ACTR3C: variants seen among roughly 807,000 people sequenced by gnomAD.
ACTR3C encodes the protein actin related protein 3C, also known as actin-related protein 3C.
A neutral mutation model predicts 26.3 loss-of-function variants in ACTR3C; 18 were observed. The observed-to-expected ratio is 0.68, with a 90% CI of 0.47 to 1.01. The LOEUF is 1.01. Ranked by LOEUF, ACTR3C falls within the 50% of genes least tolerant of loss-of-function variation. The pLI is 0.00. For missense variants in ACTR3C, 184 were observed against 250.7 expected (o/e 0.73, Z 1.80); for synonymous variants, 55 against 94.5 (o/e 0.58, Z 2.42).
the ACTR3C span, among the ~76,000 whole-genome samples, chr7:150,022,756 G>C: frequency 6.6e-6 from 1 of 152,104 alleles, no homozygotes; most frequent in African/African-American, 2.4e-5. Flanking sequence ...AAACAGCCCA[G>C]CTGGTAACAA....
chr7:150,201,725 T>G, the ACTR3C span, among the ~76,000 whole-genome samples: 2 of 151,478 alleles, frequency 1.3e-5, no homozygotes, highest in Admixed American at 6.6e-5. Context: ...ACCACTGTAC[T>G]CCAGTCTCAG....
At chr7:150,158,087 T>C in the ACTR3C span, among the ~76,000 whole-genome samples, 1 of 152,146 alleles carries the variant, frequency 6.6e-6, no homozygotes, top group East Asian at 1.9e-4. Flanking sequence ...AGGTGTATAT[T>C]AAGGTGCTCA....
chr7:150,169,896 C>A, the ACTR3C span, among the ~76,000 whole-genome samples: 2 of 150,638 alleles, frequency 1.3e-5, no homozygotes, highest in Non-Finnish European at 1.5e-5. Context: ...CCCCTCTTTA[C>A]TTTCCCCGTT....
the ACTR3C span, among the ~76,000 whole-genome samples, chr7:150,156,934 A>G: frequency 6.6e-6 from 1 of 151,730 alleles, no homozygotes; most frequent in Non-Finnish European, 1.5e-5. Context: ...TTGGTTAATC[A>G]TACATCGTAA....
At chr7:149,966,213 AG>A in the ACTR3C span, among the ~76,000 whole-genome samples, 1 of 152,198 alleles carries the variant, frequency 6.6e-6, no homozygotes, top group South Asian at 2.1e-4. Context: ...TTGGGACAGG[AG>A]CTCATTCTGT....
the ACTR3C span, among the ~76,000 whole-genome samples, chr7:150,061,515 G>A: frequency 2.0e-5 from 2 of 98,076 alleles, no homozygotes; most frequent in Non-Finnish European, 4.2e-5. Context: ...ATCCCATGAA[G>A]GGTTTTACTG....
the ACTR3C span, among the ~76,000 whole-genome samples, chr7:150,030,191 G>T: frequency 7.0e-5 from 9 of 127,772 alleles, no homozygotes; most frequent in East Asian, 1.9e-3. Context: ...TTAGTTATTG[G>T]ATATAAATTT....
chr7:149,945,383 G>A, the ACTR3C span, among the ~76,000 whole-genome samples: 2 of 151,538 alleles, frequency 1.3e-5, no homozygotes, highest in Admixed American at 6.6e-5. Context: ...TCTGCTTCCC[G>A]TCGAACACAA....
the ACTR3C span, among the ~76,000 whole-genome samples, chr7:150,199,736 A>AAAAC: frequency 1.5e-3 from 220 of 143,438 alleles, 5 homozygotes; most frequent in African/African-American, 5.5e-3. Context: ...AAAAAAAAAA[A>AAAAC]AAAAAAAAAA....
At chr7:150,121,991 T>C in the ACTR3C span, among the ~76,000 whole-genome samples, 8 of 152,142 alleles carry the variant, frequency 5.3e-5, no homozygotes, top group African/African-American at 9.7e-5. Context: ...CGATTACCTA[T>C]TTAATAAATG....
rs144611619 is a variant in ACTR3C, at chr7:150,319,310, C to T, written c.-52+4159G>A. On this transcript the variant is annotated intron_variant, in intron 1 of 7. Transcript: ENST00000683684. ...ACAAGCTCCGCCTCTCAGGTTCAAG[C>T]GATTCTCCTGCCTTGGCCTCCCGAA... 5.0e-3 allele frequency among the ~76,000 whole-genome samples: 754 copies of T among 152,042 alleles called. 8 individuals are homozygous for T. Among genetic ancestry groups the T allele is most frequent in the African/African-American group, 0.017 (712 of 41,454 alleles).
the ACTR3C span, among the ~76,000 whole-genome samples, chr7:150,152,185 G>C: frequency 6.6e-6 from 1 of 152,162 alleles, no homozygotes; most frequent in African/African-American, 2.4e-5. Context: ...TGTTGAATAG[G>C]AGTGGTGAAG....
At chr7:150,040,262 T>C in the ACTR3C span, among the ~76,000 whole-genome samples, 3 of 147,604 alleles carry the variant, frequency 2.0e-5, no homozygotes, top group African/African-American at 7.6e-5. Context: ...TTTAGAGACG[T>C]AGGCTACCGG....
the ACTR3C span, among the ~76,000 whole-genome samples, chr7:150,223,664 A>G: frequency 6.6e-6 from 1 of 152,102 alleles, no homozygotes; most frequent in East Asian, 1.9e-4. Context: ...GAGTTACAGC[A>G]TGATAAATCC....
the ACTR3C span, among the ~76,000 whole-genome samples, chr7:149,936,251 G>A: frequency 6.6e-6 from 1 of 152,202 alleles, no homozygotes; most frequent in Non-Finnish European, 1.5e-5. Flanking sequence ...TGGGTATACC[G>A]GGTTTGGCTA....
At chr7:149,932,969 T>C in the ACTR3C span, among the ~76,000 whole-genome samples, 4 of 150,462 alleles carry the variant, frequency 2.7e-5, no homozygotes, top group African/African-American at 9.8e-5. Context: ...TGAGGATCTT[T>C]GGGGTGTTTC....
chr7:150,078,032 TAA>T, the ACTR3C span, among the ~76,000 whole-genome samples: 1 of 152,198 alleles, frequency 6.6e-6, no homozygotes, highest in Non-Finnish European at 1.5e-5. Context: ...TGTTAGTCTA[TAA>T]AATTTGCCTT....
At chr7:150,005,747 G>T in the ACTR3C span, among the ~76,000 whole-genome samples, 1 of 152,202 alleles carries the variant, frequency 6.6e-6, no homozygotes, top group Non-Finnish European at 1.5e-5. Flanking sequence ...AACTGCCATT[G>T]TTATACTGCG....
the ACTR3C span, among the ~76,000 whole-genome samples, chr7:149,909,267 A>T: frequency 5.6e-3 from 1 of 178 alleles, no homozygotes; most frequent in Admixed American, 0.17. Flanking sequence ...ATTTCCACCA[A>T]AAAAAAAAAA....
Sources: gnomAD v4.1 joint callset for allele counts (sites outside exome capture counted in the v4.1 genomes callset) on GRCh38, gnomAD v4.1.1 for gene constraint, MANE v1.5 for transcripts, NCBI Gene and HGNC (gene_info 2026-07-23, HGNC 2026-07-21) for gene names.